Variants in SEL1L2 observed in about 807,000 individuals in gnomAD.
The protein encoded by SEL1L2 is SEL1L2 adaptor subunit of SYVN1 ubiquitin ligase.
In SEL1L2, 89 loss-of-function variants were observed where a neutral mutation model predicts 98.8. The ratio of observed to expected loss-of-function variants is 0.90; its 90% CI spans 0.76 to 1.07. The LOEUF (loss-of-function observed/expected upper bound fraction) is 1.07. Ranked by LOEUF, SEL1L2 falls within the 50% of genes least tolerant of loss-of-function variation. The probability of loss-of-function intolerance (pLI) is 0.00; values close to 1 mark genes in which losing one functional copy is unlikely to be tolerated. For missense variants in SEL1L2, 788 were observed against 812.0 expected (o/e 0.97, Z 0.36); for synonymous variants, 262 against 278.5 (o/e 0.94, Z 0.59).
intron 1 of SEL1L2, among the ~76,000 whole-genome samples, chr20:13,957,992 G>A (rs758284162): frequency 4.6e-5 from 7 of 152,028 alleles, no homozygotes; most frequent in Non-Finnish European, 7.4e-5. Flanking sequence ...TGTTCCTTAG[G>A]TTCAAGATAT....
chr20:13,905,830 G>A (rs2047901801), intron 5 of SEL1L2, among the ~76,000 whole-genome samples: 1 of 150,782 alleles, frequency 6.6e-6, no homozygotes, highest in Non-Finnish European at 1.5e-5. Flanking sequence ...TAAAGGTCAA[G>A]CTCAGCAAAT....
At chr20:13,886,860 C>A (rs971368096) in intron 8 of SEL1L2, among the ~76,000 whole-genome samples, 11 of 150,600 alleles carry the variant, frequency 7.3e-5, no homozygotes, top group African/African-American at 2.7e-4. Context: ...TGTGCTCCAA[C>A]ATGGATGACA....
At chr20:13,934,905 CAT>C (rs1053092375) in intron 2 of SEL1L2, among the ~76,000 whole-genome samples, 7 of 152,096 alleles carry the variant, frequency 4.6e-5, no homozygotes, top group Non-Finnish European at 1.0e-4. Context: ...GGCCGAGAAA[CAT>C]AATCTATTTA....
intron 9 of SEL1L2, among the ~76,000 whole-genome samples, chr20:13,886,031 C>G (rs1364405396): frequency 1.4e-5 from 2 of 142,752 alleles, no homozygotes; most frequent in African/African-American, 5.3e-5. Context: ...AGTGAGACTC[C>G]AACTCAAAAA....
chr20:13,861,144 C>T (rs1431365333), intron 17 of SEL1L2, among the ~76,000 whole-genome samples: 1 of 152,140 alleles, frequency 6.6e-6, no homozygotes, highest in Non-Finnish European at 1.5e-5. Context: ...ACCCGTTCTT[C>T]ACACAACAGC....
intron 5 of SEL1L2, among the ~76,000 whole-genome samples, chr20:13,907,694 T>TTC (rs1427255570): frequency 7.8e-5 from 11 of 141,000 alleles, no homozygotes; most frequent in South Asian, 4.7e-4. Context: ...CTTTCTTTCT[T>TTC]TCTTTCTCTT....
At chr20:13,962,426 G>T (rs2148472981) in intron 1 of SEL1L2, among the ~76,000 whole-genome samples, 1 of 152,262 alleles carries the variant, frequency 6.6e-6, no homozygotes, top group Non-Finnish European at 1.5e-5. Flanking sequence ...AAGAAGCAAG[G>T]AATAATAGAC....
intron 5 of SEL1L2, among the ~76,000 whole-genome samples, chr20:13,891,530 G>T (rs2047202826): frequency 6.6e-6 from 1 of 151,996 alleles, no homozygotes; most frequent in Admixed American, 6.6e-5. Flanking sequence ...AGCTGGGCAT[G>T]GTGGTGCATG....
chr20:13,958,807 G>A (rs959658284), intron 1 of SEL1L2, among the ~76,000 whole-genome samples: 14 of 151,910 alleles, frequency 9.2e-5, no homozygotes, highest in African/African-American at 3.4e-4. Context: ...AGCCGGGTGT[G>A]GTGGCAGGCG....
At chr20:13,906,229 T>C (rs2047925264) in intron 5 of SEL1L2, among the ~76,000 whole-genome samples, 1 of 152,222 alleles carries the variant, frequency 6.6e-6, no homozygotes, top group Non-Finnish European at 1.5e-5. Context: ...TAAGGAACTG[T>C]TACAGTAGCT....
At chr20:13,857,684 C>T (rs1342551540) in intron 18 of SEL1L2, among the ~76,000 whole-genome samples, 1 of 152,150 alleles carries the variant, frequency 6.6e-6, no homozygotes, top group Non-Finnish European at 1.5e-5. Flanking sequence ...TCACTTTATC[C>T]CTTCTATAGA....
intron 1 of SEL1L2, among the ~76,000 whole-genome samples, chr20:13,957,570 A>G (rs969606682): frequency 2.6e-5 from 4 of 152,208 alleles, no homozygotes; most frequent in African/African-American, 9.7e-5. Context: ...TAGAGAAATA[A>G]CTGGCAAATT....
At chr20:13,866,049 G>A (rs941218713) in intron 15 of SEL1L2, among the ~76,000 whole-genome samples, 4 of 152,162 alleles carry the variant, frequency 2.6e-5, no homozygotes, top group Admixed American at 2.0e-4. Context: ...ACCAAAAGAG[G>A]TTAGCCATAC....
chr20:13,964,367 C>A (rs1371163875), intron 1 of SEL1L2, among the ~76,000 whole-genome samples: 1 of 151,598 alleles, frequency 6.6e-6, no homozygotes, highest in African/African-American at 2.4e-5. Context: ...CCCACCCCAC[C>A]CCACCCCCAA....
intron 1 of SEL1L2, among the ~76,000 whole-genome samples, chr20:13,989,143 C>T (rs2052408645): frequency 6.6e-6 from 1 of 152,136 alleles, no homozygotes; most frequent in South Asian, 2.1e-4. Context: ...GTAGTGAAGT[C>T]TTCTTTAACT....
intron 2 of SEL1L2, among the ~76,000 whole-genome samples, chr20:13,953,357 T>C (rs74552431): frequency 0.019 from 2,906 of 152,286 alleles, 37 homozygotes; most frequent in Non-Finnish European, 0.032. Context: ...AGGATGGCCC[T>C]TTCTGCCGGG....
chr20:13,931,874 C>A, intron 2 of SEL1L2, 103 bp from the exon 3 acceptor site: 1 of 930,998 alleles, frequency 1.1e-6, no homozygotes, highest in Non-Finnish European at 1.5e-6. Flanking sequence ...AAAATACAAG[C>A]TTAATGCAAT....
chr20:13,870,161 G>T lies in SEL1L2; in HGVS notation c.1147C>A (p.His383Asn). ...CTTACCAGGGGAACTCCTTTTCCAT[G>T]AAAGTAAAGAAGACCAAGCCCATGA... The part of the protein sequence containing the change: ...GLHGLGLLYF[H>N]GKGVPLNYAE... Residue 383 changes from histidine (H) to asparagine (N), a missense_variant, in exon 13 of 20, where the codon CAT becomes AAT. By Grantham distance (68) the His-to-Asn change is moderately conservative. Coordinates refer to ENST00000284951, the MANE Select transcript of SEL1L2 (RefSeq NM_025229.2). 6.2e-7 allele frequency: 1 copy of T among 1,609,608 alleles called. No individual in the cohort carries two copies. Among genetic ancestry groups the T allele is most frequent in the Non-Finnish European group, 8.5e-7 (1 of 1,176,982 alleles).
intron 2 of SEL1L2, among the ~76,000 whole-genome samples, chr20:13,949,305 A>G (rs2050152634): frequency 6.6e-6 from 1 of 152,210 alleles, no homozygotes; most frequent in Non-Finnish European, 1.5e-5. Flanking sequence ...ACCAATCATT[A>G]GGAAAACAAA....
Sources: allele counts gnomAD v4.1 joint callset (sites outside exome capture counted in the v4.1 genomes callset), GRCh38; gene constraint gnomAD v4.1.1; transcripts MANE v1.5; gene names NCBI Gene and HGNC (gene_info 2026-07-23, HGNC 2026-07-21).